ZNF438: variants seen among roughly 807,000 people sequenced by gnomAD.
ZNF438 encodes zinc finger protein 438.
Under a neutral mutation model 38.0 loss-of-function variants are expected in ZNF438, and 25 were observed. The observed-to-expected ratio is 0.66, with a 90% CI of 0.48 to 0.92. The LOEUF (loss-of-function observed/expected upper bound fraction) is 0.92. Ranked by LOEUF, ZNF438 falls within the 40% of genes least tolerant of loss-of-function variation. The pLI is 0.00. For synonymous variants in ZNF438, 372 were observed against 364.1 expected, an observed-to-expected ratio of 1.02 and a Z score of -0.25; for missense variants, 1,007 against 999.6, an observed-to-expected ratio of 1.01 and a Z score of -0.10.
chr10:30,958,465 G>A (rs1442624633), intron 1 of ZNF438, among the ~76,000 whole-genome samples: 1 of 146,888 alleles, frequency 6.8e-6, no homozygotes, highest in East Asian at 1.9e-4. Context: ...TCCACCTCAA[G>A]CAAAATATAG....
intron 4 of ZNF438, among the ~76,000 whole-genome samples, chr10:30,862,765 G>T (rs7079764): frequency 0.022 from 3,375 of 152,290 alleles, 127 homozygotes; most frequent in African/African-American, 0.077. Context: ...TAGGACACAT[G>T]CAAAAGGCTG....
exon 5 of ZNF438, chr10:30,849,523 G>A (rs1213999228): frequency 6.2e-7 from 1 of 1,614,232 alleles, no homozygotes; most frequent in Admixed American, 1.7e-5. Context: ...AGTAGGGTGG[G>A]ATTGGCAGTT....
At chr10:30,934,003 G>C (rs897590095) in intron 2 of ZNF438, among the ~76,000 whole-genome samples, 1 of 151,990 alleles carries the variant, frequency 6.6e-6, no homozygotes, top group Non-Finnish European at 1.5e-5. Context: ...AAAATTAGCC[G>C]GGTGTGGTGG....
chr10:30,938,255 C>A (rs182266235), intron 2 of ZNF438, among the ~76,000 whole-genome samples: 2 of 152,076 alleles, frequency 1.3e-5, no homozygotes, highest in Non-Finnish European at 2.9e-5. Flanking sequence ...GTTAATCCAA[C>A]CTGGAATATC....
At chr10:30,931,418 A>G (rs2045683767) in intron 2 of ZNF438, among the ~76,000 whole-genome samples, 1 of 152,224 alleles carries the variant, frequency 6.6e-6, no homozygotes, top group Non-Finnish European at 1.5e-5. Context: ...TTCATTTGCA[A>G]CTGAAGCAGT....
chr10:31,004,006 T>C (rs779700597), intron 1 of ZNF438, among the ~76,000 whole-genome samples: 28 of 152,178 alleles, frequency 1.8e-4, no homozygotes, highest in Non-Finnish European at 3.8e-4. Flanking sequence ...GTCAGAAAGG[T>C]GTTATCCCCA....
intron 2 of ZNF438, among the ~76,000 whole-genome samples, chr10:30,933,454 T>C (rs373416680): frequency 1.8e-4 from 27 of 152,316 alleles, no homozygotes; most frequent in Admixed American, 1.3e-3. Context: ...AAGCAATTTA[T>C]GCTTTAAAAA....
intron 2 of ZNF438, among the ~76,000 whole-genome samples, chr10:30,938,159 C>G (rs896803689): frequency 5.5e-4 from 83 of 152,194 alleles, no homozygotes; most frequent in Admixed American, 5.4e-3. Flanking sequence ...CCCCGCACCC[C>G]CATTGTTTCA....
At chr10:30,936,606 G>A (rs369504272) in intron 2 of ZNF438, among the ~76,000 whole-genome samples, 98 of 152,268 alleles carry the variant, frequency 6.4e-4, no homozygotes, top group African/African-American at 1.8e-3. Flanking sequence ...CCTGGGAGGC[G>A]GAGGTTACAA....
chr10:31,002,754 A>G (rs536283800), intron 1 of ZNF438, among the ~76,000 whole-genome samples: 1 of 152,314 alleles, frequency 6.6e-6, no homozygotes, highest in African/African-American at 2.4e-5. Context: ...CGGAGAAGAG[A>G]GCAGCTAGAG....
At chr10:30,914,684 C>T (rs2043414522) in intron 2 of ZNF438, among the ~76,000 whole-genome samples, 1 of 151,942 alleles carries the variant, frequency 6.6e-6, no homozygotes, top group African/African-American at 2.4e-5. Context: ...ATTATATATA[C>T]TCGACTACAG....
intron 2 of ZNF438, among the ~76,000 whole-genome samples, chr10:30,916,563 C>T (rs2043661752): frequency 6.6e-6 from 1 of 151,834 alleles, no homozygotes; most frequent in Non-Finnish European, 1.5e-5. Flanking sequence ...ATAGTGTTAC[C>T]ATATGTATCC....
At chr10:30,895,910 A>C (rs1301743224) in intron 3 of ZNF438, among the ~76,000 whole-genome samples, 1 of 152,226 alleles carries the variant, frequency 6.6e-6, no homozygotes, top group African/African-American at 2.4e-5. Context: ...GGAAATGTAA[A>C]ATGGTGCAGC....
chr10:30,944,120 G>A (rs2047113490), intron 1 of ZNF438, among the ~76,000 whole-genome samples: 1 of 152,146 alleles, frequency 6.6e-6, no homozygotes, highest in Non-Finnish European at 1.5e-5. Context: ...CTAAGTTGTA[G>A]GTGACAAAAC....
chr10:30,892,318 TAAGAA>T (rs1293320401), intron 3 of ZNF438, among the ~76,000 whole-genome samples: 10 of 147,526 alleles, frequency 6.8e-5, no homozygotes, highest in African/African-American at 2.6e-4. Context: ...CAATAACTAA[TAAGAA>T]AATACAACAA....
At chr10:31,026,681 G>T (rs1481087952) in intron 1 of ZNF438, among the ~76,000 whole-genome samples, 1 of 152,118 alleles carries the variant, frequency 6.6e-6, no homozygotes. Context: ...AAGACAGTGT[G>T]GCGATTCCTC....
chr10:30,852,067 G>A (rs1210453359), intron 4 of ZNF438, among the ~76,000 whole-genome samples: 2 of 151,936 alleles, frequency 1.3e-5, no homozygotes, highest in South Asian at 2.1e-4. Flanking sequence ...CGAGGCTGAG[G>A]CAGGAGAATC....
intron 2 of ZNF438, among the ~76,000 whole-genome samples, chr10:30,913,565 C>A (rs1305283109): frequency 6.6e-6 from 1 of 151,972 alleles, no homozygotes; most frequent in Non-Finnish European, 1.5e-5. Flanking sequence ...TCATCTTACC[C>A]CTTTCTTTCA....
At chr10:30,907,285 C>T (rs1300771077) in intron 3 of ZNF438, among the ~76,000 whole-genome samples, 2 of 152,136 alleles carry the variant, frequency 1.3e-5, no homozygotes, top group African/African-American at 2.4e-5. Context: ...AGAATTTTTA[C>T]ATCAGAACTA....
Sources: gnomAD v4.1 joint callset for allele counts (sites outside exome capture counted in the v4.1 genomes callset) on GRCh38, gnomAD v4.1.1 for gene constraint, MANE v1.5 for transcripts, NCBI Gene and HGNC (gene_info 2026-07-23, HGNC 2026-07-21) for gene names.